The following CUL1 variants were observed in gnomAD, a reference collection of about 807,000 sequenced individuals.
CUL1 encodes cullin 1.
CUL1 carries 24 observed loss-of-function variants against 118.0 expected under a neutral mutation model. That is an observed-to-expected ratio of 0.20 (90% CI 0.15 to 0.29). The LOEUF (loss-of-function observed/expected upper bound fraction) is 0.29. Among genes scored for constraint, CUL1 ranks in the 10% least tolerant of loss-of-function variants. The probability of loss-of-function intolerance (pLI) is 1.00; values close to 1 mark genes in which losing one functional copy is unlikely to be tolerated. For missense variants in CUL1, 361 were observed against 933.8 expected, an observed-to-expected ratio of 0.39 and a Z score of 7.99; for synonymous variants, 332 against 340.4, an observed-to-expected ratio of 0.98 and a Z score of 0.27.
chr7:148,707,963 T>C (rs1002686710), intron 1 of CUL1, among the ~76,000 whole-genome samples: 1 of 152,152 alleles, frequency 6.6e-6, no homozygotes, highest in Non-Finnish European at 1.5e-5. Flanking sequence ...CCCTTCTGAG[T>C]AGGGGCCACA....
chr7:148,706,221 T>C (rs1797875715), intron 1 of CUL1, among the ~76,000 whole-genome samples: 1 of 152,198 alleles, frequency 6.6e-6, no homozygotes. Context: ...CAGTCTGAAA[T>C]TCAAAAGACT....
chr7:148,753,146 CTA>C (rs1271589893), intron 2 of CUL1, among the ~76,000 whole-genome samples: 3 of 152,138 alleles, frequency 2.0e-5, no homozygotes, highest in South Asian at 4.1e-4. Flanking sequence ...ATTAGATAAT[CTA>C]TCTTTTACCC....
In CUL1 at chr7:148,776,307, C is replaced by CTTTTT. The variant is rs746777462; in HGVS notation, c.1084-7453_1084-7449dup. Among the ~76,000 whole-genome samples, 15 of 40,688 alleles carry CTTTTT rather than the reference C, an allele frequency of 3.7e-4. 2 individuals carry two copies. The highest frequency in any genetic ancestry group is 4.6e-4 in the African/African-American group (4 of 8,724). 26.7% of individuals were successfully genotyped at this position (40,688 alleles called of 152,430 possible). ...CATTTTGGAGTCTAACATAACCAGG[C>CTTTTT]TTTTTTTTTTTTTTTTTTTTTTTTT... On this transcript the variant is annotated intron_variant, in intron 9 of 21. Coordinates refer to ENST00000325222, the MANE Select transcript of CUL1 (RefSeq NM_003592.3).
chr7:148,726,942 G>T (rs538381301), intron 1 of CUL1, among the ~76,000 whole-genome samples: 1 of 152,158 alleles, frequency 6.6e-6, no homozygotes, highest in South Asian at 2.1e-4. Context: ...AGCCCAGGGG[G>T]TTGAGGCTGC....
At chr7:148,772,720 C>G (rs565335464) in intron 9 of CUL1, among the ~76,000 whole-genome samples, 2 of 152,308 alleles carry the variant, frequency 1.3e-5, no homozygotes, top group South Asian at 4.1e-4. Context: ...TGAAACTCAC[C>G]TCTTCTCCAT....
rs550512352 is a variant in CUL1, at chr7:148,746,595, TAGTA to T, written c.141-7378_141-7375del. ...TTATGTGGAAAAACACAGACATCCT[TAGTA>T]AGAGTCAAAATGATTCAGAATGGAC... is the stretch of plus-strand genomic sequence containing the variant. On this transcript the variant is annotated intron_variant, in intron 2 of 21. Coordinates refer to ENST00000325222, the MANE Select transcript of CUL1 (RefSeq NM_003592.3). Among the ~76,000 whole-genome samples, 5 of 152,324 alleles carry T rather than the reference TAGTA, an allele frequency of 3.3e-5. No individual in the cohort carries two copies. In the East Asian group the frequency reaches 5.8e-4, roughly 18 times the overall value.
chr7:148,704,595 A>T lies in CUL1; in HGVS notation c.-162+5566A>T, dbSNP rs1049466905. Among the ~76,000 whole-genome samples, 8 of 152,332 alleles carry T rather than the reference A, an allele frequency of 5.3e-5. 1 individual carries two copies. Among genetic ancestry groups the T allele is most frequent in the Admixed American group, 5.2e-4 (8 of 15,300 alleles). Reference sequence around the variant, plus strand: ...TGCTGTTGTTAAGGATGATTATTTCAGCATTTAGATCAATCTTTAACTTCC... The same window carrying T: ...TGCTGTTGTTAAGGATGATTATTTCTGCATTTAGATCAATCTTTAACTTCC... On this transcript the variant is annotated intron_variant, in intron 1 of 21. Coordinates refer to ENST00000325222, the MANE Select transcript of CUL1 (RefSeq NM_003592.3).
At chr7:148,712,414 C>T (rs1473814912) in intron 1 of CUL1, among the ~76,000 whole-genome samples, 1 of 152,174 alleles carries the variant, frequency 6.6e-6, no homozygotes, top group East Asian at 1.9e-4. Flanking sequence ...AAGGATTCCT[C>T]CACCCTGTGC....
At chr7:148,724,680 C>T (rs982845167) in intron 1 of CUL1, among the ~76,000 whole-genome samples, 2 of 152,210 alleles carry the variant, frequency 1.3e-5, no homozygotes, top group Non-Finnish European at 2.9e-5. Flanking sequence ...CTGCTTCACT[C>T]ACCAGCCACC....
intron 2 of CUL1, among the ~76,000 whole-genome samples, chr7:148,731,169 T>G (rs941401879): frequency 6.6e-6 from 1 of 152,186 alleles, no homozygotes; most frequent in African/African-American, 2.4e-5. Flanking sequence ...ATTCGTGTGG[T>G]TGGAGATGCA....
chr7:148,792,937 T>A (rs938835335), intron 17 of CUL1, 119 bp downstream of exon 17: 2 of 661,990 alleles, frequency 3.0e-6, no homozygotes, highest in Non-Finnish European at 5.1e-6. Flanking sequence ...GATGTTTGCC[T>A]CATGAATATG....
chr7:148,788,476 ACT>A, intron 13 of CUL1, 79 bp from the exon 14 acceptor site: 1 of 870,674 alleles, frequency 1.1e-6, no homozygotes, highest in South Asian at 1.5e-5. Flanking sequence ...TATATTGTAT[ACT>A]CTGATTTCTC....
At chr7:148,731,912 A>G (rs1563153102) in intron 2 of CUL1, among the ~76,000 whole-genome samples, 1 of 152,172 alleles carries the variant, frequency 6.6e-6, no homozygotes, top group South Asian at 2.1e-4. Context: ...TTGTTTGCCC[A>G]TTGATCAATG....
At position 148,792,731 on chromosome 7, in the gene CUL1, G is replaced by A. The variant is rs146551045; in HGVS notation, c.1812G>A (p.Ser604=). The A allele has an allele frequency of 5.7e-5, 91 of 1,610,272 alleles. No homozygotes were observed. The highest frequency in any genetic ancestry group is 3.3e-4 in the African/African-American group (25 of 74,964). Residue 604 remains serine, a synonymous_variant, in exon 17 of 22, where the codon TCG becomes TCA. Coordinates refer to ENST00000325222, the MANE Select transcript of CUL1 (RefSeq NM_003592.3). ...CFKNRYTLQA[S]TFQMAILLQY... ...TTATATGGGGGGCCGCAAAGGCGTC[G>A]ACATTCCAGATGGCTATCCTGCTTC...
At chr7:148,750,730 T>A (rs1456334720) in intron 2 of CUL1, among the ~76,000 whole-genome samples, 1 of 152,172 alleles carries the variant, frequency 6.6e-6, no homozygotes, top group Non-Finnish European at 1.5e-5. Context: ...ACAGGCTGAC[T>A]CTCTTGGAGG....
chr7:148,734,166 C>T (rs1209974684), intron 2 of CUL1, among the ~76,000 whole-genome samples: 3 of 152,230 alleles, frequency 2.0e-5, no homozygotes, highest in Non-Finnish European at 4.4e-5. Context: ...TCACTCTTCA[C>T]TGTGAGTCTG....
chr7:148,738,178 A>G (rs1367645508), intron 2 of CUL1, among the ~76,000 whole-genome samples: 1 of 152,206 alleles, frequency 6.6e-6, no homozygotes, highest in Non-Finnish European at 1.5e-5. Context: ...TAACAGAGAC[A>G]TTTGAGAATA....
chr7:148,707,721 T>C lies in CUL1; in HGVS notation c.-162+8692T>C, dbSNP rs112389692. Among the ~76,000 whole-genome samples the C allele has an allele frequency of 8.5e-4, 129 of 152,304 alleles. 1 individual carries two copies. Among genetic ancestry groups the C allele is most frequent in the African/African-American group, 3.1e-3 (127 of 41,572 alleles). On this transcript the variant is annotated intron_variant, in intron 1 of 21. Transcript: ENST00000325222. ...GAGAACACTTTTTAAACCTGTAAAA[T>C]AATGGTTTAACTACAAAGTTGTTTC...
At chr7:148,724,145 A>C (rs549738011) in intron 1 of CUL1, among the ~76,000 whole-genome samples, 2 of 152,158 alleles carry the variant, frequency 1.3e-5, no homozygotes, top group Admixed American at 1.3e-4. Context: ...AAGAAGATAT[A>C]TTTTTCAGGA....
Sources: gnomAD v4.1 joint callset for allele counts (sites outside exome capture counted in the v4.1 genomes callset) on GRCh38, gnomAD v4.1.1 for gene constraint, MANE v1.5 for transcripts, NCBI Gene and HGNC (gene_info 2026-07-23, HGNC 2026-07-21) for gene names.